Variants in SIPA1L3 observed in about 807,000 individuals in gnomAD.
SIPA1L3 encodes signal induced proliferation associated 1 like 3, also known as signal-induced proliferation-associated 1-like protein 3.
SIPA1L3 carries 59 observed loss-of-function variants against 150.1 expected under a neutral mutation model. The observed-to-expected ratio is 0.39, with a 90% confidence interval of 0.32 to 0.49. SIPA1L3 has a LOEUF of 0.49. Among genes scored for constraint, SIPA1L3 ranks in the 20% least tolerant of loss-of-function variants. The probability of loss-of-function intolerance (pLI) is 0.86; values close to 1 mark genes in which losing one functional copy is unlikely to be tolerated. For missense variants in SIPA1L3, 2,211 were observed against 2,489.5 expected (o/e 0.89, Z 2.38); for synonymous variants, 1,070 against 1,077.6 (o/e 0.99, Z 0.14).
chr19:38,104,276 G>C (rs904892305), intron 6 of SIPA1L3, among the ~76,000 whole-genome samples: 24 of 152,238 alleles, frequency 1.6e-4, no homozygotes, highest in African/African-American at 2.4e-5. Context: ...TAGGAGGAAC[G>C]AGCATGTTAT....
Position 38,206,268 on chromosome 19 carries a change from C to A in SIPA1L3, c.*28C>A, listed in dbSNP as rs1375767010. ...TGGGAGGCCGCCGCCCGCCTTCGCT[C>A]CTTCCCCTCAGGCCGTGGCCCTGCT... On this transcript the variant is annotated 3_prime_UTR_variant, in exon 22 of 22. Coordinates refer to ENST00000222345, the MANE Select transcript of SIPA1L3 (RefSeq NM_015073.3). 1 of 1,521,224 alleles carries A rather than the reference C, an allele frequency of 6.6e-7. No individual in the cohort carries two copies. The allele number at this position is 1,521,224 out of a possible 1,614,324, so 94.2% of individuals were successfully genotyped here.
chr19:38,124,821 G>A (rs9749028), intron 9 of SIPA1L3, among the ~76,000 whole-genome samples: 60,297 of 151,812 alleles, frequency 0.4, 12,417 homozygotes, highest in East Asian at 0.62. Context: ...CCATCACAGC[G>A]AAACCCCGTC....
intron 1 of SIPA1L3, among the ~76,000 whole-genome samples, chr19:37,989,994 C>T (rs539304059): frequency 9.2e-5 from 14 of 152,170 alleles, no homozygotes; most frequent in East Asian, 3.9e-4. Context: ...TGCTTGTTGA[C>T]GTAGACCCCC....
chr19:38,128,989 C>T (rs890840662), intron 9 of SIPA1L3, among the ~76,000 whole-genome samples: 4 of 152,170 alleles, frequency 2.6e-5, no homozygotes, highest in South Asian at 4.1e-4. Context: ...TCATTTCTAG[C>T]CAGGGGATGA....
At position 38,141,186 on chromosome 19, in the gene SIPA1L3, G is replaced by T. The variant is rs757327402; in HGVS notation, c.3146G>T (p.Gly1049Val). The T allele has an allele frequency of 1.5e-5, 24 of 1,584,038 alleles. No individual in the cohort carries two copies. Among genetic ancestry groups the T allele is most frequent in the East Asian group, 2.3e-5 (1 of 44,302 alleles). The change falls in exon 11 of 22, where the codon GGT (glycine) becomes GTT (valine). Residue 1049 changes from glycine (G) to valine (V), a missense_variant and splice_region_variant. Gly to Val is a moderately radical substitution (Grantham distance 109). Coordinates refer to ENST00000222345, the MANE Select transcript of SIPA1L3 (RefSeq NM_015073.3). ...AGTAATGCAGTTTTTCTCCCCAGGG[G>T]TTGGCCGGAGACCTACGACATGAAT... ...PPFEDGTPRR[G>V]WPETYDMNTS...
intron 2 of SIPA1L3, among the ~76,000 whole-genome samples, chr19:38,054,901 G>A (rs1464172215): frequency 6.6e-6 from 1 of 152,278 alleles, no homozygotes; most frequent in African/African-American, 2.4e-5. Context: ...GCAGGTGAAC[G>A]GTGAAGAGTC....
intron 1 of SIPA1L3, among the ~76,000 whole-genome samples, chr19:37,985,339 T>C (rs1316302205): frequency 6.6e-6 from 1 of 152,070 alleles, no homozygotes; most frequent in Non-Finnish European, 1.5e-5. Flanking sequence ...ACTAGAGTCA[T>C]GTGCCACCAT....
intron 4 of SIPA1L3, among the ~76,000 whole-genome samples, chr19:38,091,295 A>T (rs1220345014): frequency 2.0e-5 from 3 of 152,072 alleles, no homozygotes. Flanking sequence ...CTGAGGCATG[A>T]GAATCTCTTG....
intron 1 of SIPA1L3, among the ~76,000 whole-genome samples, chr19:37,976,518 C>A (rs1238526159): frequency 6.6e-6 from 1 of 152,124 alleles, no homozygotes; most frequent in Non-Finnish European, 1.5e-5. Flanking sequence ...CACCCTGAGG[C>A]CCTAAAAGGG....
At position 38,100,081 on chromosome 19, in the gene SIPA1L3, C is replaced by A; in HGVS notation, c.1785C>A (p.Ile595=). The A allele has an allele frequency of 6.2e-7, 1 of 1,612,268 alleles. No individual in the cohort carries two copies. ...AGTATGTCATCCCCGAGCTCAACAT[C>A]CACTGCCTGCGGCTGGCCCTCAACA... The part of the protein sequence containing the change: ...ALEYVIPELN[I]HCLRLALNTP... Residue 595 remains isoleucine (I), a synonymous_variant, in exon 5 of 22, where the codon ATC becomes ATA. Transcript: ENST00000222345.
intron 2 of SIPA1L3, among the ~76,000 whole-genome samples, chr19:38,055,663 G>A (rs1969299366): frequency 6.6e-6 from 1 of 152,218 alleles, no homozygotes; most frequent in South Asian, 2.1e-4. Flanking sequence ...TTGACAACCA[G>A]CAGTGGAGCC....
intron 1 of SIPA1L3, among the ~76,000 whole-genome samples, chr19:37,997,394 C>T (rs1159710876): frequency 3.3e-5 from 5 of 151,112 alleles, no homozygotes; most frequent in African/African-American, 1.2e-4. Flanking sequence ...ATGGTGACAC[C>T]CGATCTCTAC....
rs1484575080 is a variant in SIPA1L3, at chr19:38,203,446, AGCAGGAAAGGG to A, written c.5121-680_5121-670del. 1.8e-3 allele frequency among the ~76,000 whole-genome samples: 270 copies of A among 152,330 alleles called. 1 individual carries two copies. The highest frequency in any genetic ancestry group is 6.0e-3 in the African/African-American group (248 of 41,576). ...GGAGCCTCCTTCAGCCCCAACTCCA[AGCAGGAAAGGG>A]CTGCGCGTTCTCTGCAGCGGCCAGG... is the stretch of plus-strand genomic sequence containing the variant. On this transcript the variant is annotated intron_variant, in intron 20 of 21. Coordinates refer to ENST00000222345, the MANE Select transcript of SIPA1L3 (RefSeq NM_015073.3).
chr19:38,206,074 T>G, intron 21 of SIPA1L3, 23 bp from the exon 22 acceptor site: 2 of 1,521,102 alleles, frequency 1.3e-6, no homozygotes, highest in South Asian at 2.4e-5. Flanking sequence ...ACCCGCCTGA[T>G]GCCAGCTTCC....
chr19:37,928,536 C>G (rs562567314), intron 1 of SIPA1L3, among the ~76,000 whole-genome samples: 25 of 152,256 alleles, frequency 1.6e-4, no homozygotes, highest in African/African-American at 5.8e-4. Context: ...GATCATGCCA[C>G]TGCACTCCAG....
At chr19:37,993,737 C>T (rs1055253370) in intron 1 of SIPA1L3, among the ~76,000 whole-genome samples, 7 of 152,062 alleles carry the variant, frequency 4.6e-5, no homozygotes, top group Admixed American at 3.9e-4. Flanking sequence ...GGGCCAGGAG[C>T]GTGTCGACCA....
intron 1 of SIPA1L3, among the ~76,000 whole-genome samples, chr19:37,913,964 A>G (rs2046395898): frequency 6.8e-6 from 1 of 146,030 alleles, no homozygotes; most frequent in Non-Finnish European, 1.5e-5. Flanking sequence ...GGCGGAGTTT[A>G]CAGTGAGCCT....
intron 2 of SIPA1L3, among the ~76,000 whole-genome samples, chr19:38,065,987 C>CTTATTTATTTATTTAT (rs56249728): frequency 4.9e-5 from 6 of 121,350 alleles, no homozygotes; most frequent in African/African-American, 9.7e-5. Context: ...GGCTTGATCT[C>CTTATTTATTTATTTAT]TTATTTATTT....
At chr19:37,915,008 G>T (rs2046404375) in intron 1 of SIPA1L3, among the ~76,000 whole-genome samples, 1 of 152,092 alleles carries the variant, frequency 6.6e-6, no homozygotes, top group African/African-American at 2.4e-5. Context: ...CTCTTCCAGG[G>T]CCCTCCTTAC....
Sources: allele counts gnomAD v4.1 joint callset (sites outside exome capture counted in the v4.1 genomes callset), GRCh38; gene constraint gnomAD v4.1.1; transcripts MANE v1.5; gene names NCBI Gene and HGNC (gene_info 2026-07-23, HGNC 2026-07-21).